Variants in PTPRN2 observed in about 807,000 individuals in gnomAD.
PTPRN2 encodes the protein protein tyrosine phosphatase receptor type N2.
In PTPRN2, 74 loss-of-function variants were observed where a neutral mutation model predicts 118.8. The ratio of observed to expected loss-of-function variants is 0.62; its 90% confidence interval spans 0.52 to 0.76. PTPRN2 has a LOEUF of 0.76. Among genes scored for constraint, PTPRN2 ranks in the 30% least tolerant of loss-of-function variants. The pLI, the probability that PTPRN2 is intolerant of heterozygous loss-of-function variation, is 0.00. For missense variants in PTPRN2, 1,481 were observed against 1,394.4 expected (o/e 1.06, Z -0.99); for synonymous variants, 641 against 608.0 (o/e 1.05, Z -0.80).
At chr7:158,048,546 C>G (rs1049682177) in intron 11 of PTPRN2, among the ~76,000 whole-genome samples, 1 of 152,036 alleles carries the variant, frequency 6.6e-6, no homozygotes, top group Non-Finnish European at 1.5e-5. Context: ...ATCATCCCAC[C>G]AGCACCATCA....
intron 2 of PTPRN2, among the ~76,000 whole-genome samples, chr7:158,446,926 C>T (rs1400499692): frequency 2.6e-5 from 4 of 152,124 alleles, no homozygotes; most frequent in African/African-American, 2.4e-5. Context: ...CACGGCCTCA[C>T]GGCATCCGTC....
intron 1 of PTPRN2, among the ~76,000 whole-genome samples, chr7:158,520,694 T>G (rs1823914509): frequency 6.6e-6 from 1 of 152,174 alleles, no homozygotes; most frequent in African/African-American, 2.4e-5. Flanking sequence ...AGACTATAAC[T>G]CCTGGATTTT....
chr7:158,146,987 C>T (rs1247028315), intron 6 of PTPRN2, among the ~76,000 whole-genome samples: 2 of 93,960 alleles, frequency 2.1e-5, no homozygotes, highest in Non-Finnish European at 4.4e-5. Flanking sequence ...TGTCTTTCCC[C>T]CTCAATGACA....
intron 1 of PTPRN2, chr7:158,541,642 G>C (rs918413529): frequency 7.4e-7 from 1 of 1,346,142 alleles, no homozygotes. Context: ...GCAAAATCTG[G>C]CTATAATTCT....
intron 2 of PTPRN2, among the ~76,000 whole-genome samples, chr7:158,404,769 C>CCCGGCCCCCAGCTCT: frequency 6.9e-6 from 1 of 145,700 alleles, no homozygotes. Context: ...GCCTCAGCTC[C>CCCGGCCCCCAGCTCT]CCGGCCCCCA....
intron 2 of PTPRN2, among the ~76,000 whole-genome samples, chr7:158,479,235 G>A (rs1414211000): frequency 2.6e-5 from 4 of 151,952 alleles, no homozygotes; most frequent in Non-Finnish European, 4.4e-5. Context: ...GTGGGGCGGC[G>A]TGGCACAGGA....
intron 11 of PTPRN2, among the ~76,000 whole-genome samples, chr7:158,079,137 C>T (rs1208480353): frequency 6.6e-6 from 1 of 152,192 alleles, no homozygotes; most frequent in Admixed American, 6.5e-5. Flanking sequence ...GCCACTGCAC[C>T]CGGCCAATCT....
intron 11 of PTPRN2, among the ~76,000 whole-genome samples, chr7:158,037,417 C>CCA (rs1248201086): frequency 1.3e-5 from 2 of 152,166 alleles, no homozygotes; most frequent in Non-Finnish European, 2.9e-5. Context: ...CACTGCACAC[C>CCA]CACAACCTGC....
At chr7:158,171,310 T>TACATATATATATATATATATAACATAC (rs1343884902) in intron 5 of PTPRN2, among the ~76,000 whole-genome samples, 2 of 67,668 alleles carry the variant, frequency 3.0e-5, no homozygotes, top group African/African-American at 1.6e-4. Context: ...TATACACACA[T>TACATATATATATATATATATAACATAC]ATATATATAT....
intron 2 of PTPRN2, among the ~76,000 whole-genome samples, chr7:158,479,367 CTCT>C (rs1820499061): frequency 6.6e-6 from 1 of 152,272 alleles, no homozygotes; most frequent in Admixed American, 6.5e-5. Context: ...CTCTCCTCCG[CTCT>C]TCTTTCCTGA....
chr7:157,598,279 C>T lies in PTPRN2; in HGVS notation c.2419-2964G>A, dbSNP rs1046250874. Among the ~76,000 whole-genome samples the T allele has an allele frequency of 6.6e-6, 1 of 152,200 alleles. No individual in the cohort carries two copies. The highest frequency in any genetic ancestry group is 6.5e-5 in the Admixed American group (1 of 15,280). On this transcript the variant is annotated intron_variant, in intron 16 of 22. Transcript: ENST00000389418. The surrounding 1 kb of genome is among the most constrained non-coding windows in gnomAD (Gnocchi z 5.2). The stretch of plus-strand genomic sequence containing the variant: ...CCTTCGCCTCCTACTCATGACTTTC[C>T]ATTTCATTGCAACATACTTTTTATT...
At chr7:158,564,112 T>C (rs977945222) in intron 1 of PTPRN2, among the ~76,000 whole-genome samples, 2 of 152,228 alleles carry the variant, frequency 1.3e-5, no homozygotes, top group East Asian at 3.8e-4. Flanking sequence ...GTCTTGTTAA[T>C]CACAGGTCTA....
chr7:158,408,998 A>T (rs75166784), intron 2 of PTPRN2, among the ~76,000 whole-genome samples: 3 of 41,106 alleles, frequency 7.3e-5, no homozygotes, highest in Admixed American at 4.5e-4. Context: ...CTCCTTAATT[A>T]AAAAAAAAAA....
At chr7:158,505,118 G>C (rs959196298) in intron 1 of PTPRN2, among the ~76,000 whole-genome samples, 4 of 152,126 alleles carry the variant, frequency 2.6e-5, no homozygotes, top group African/African-American at 9.7e-5. Flanking sequence ...ATGCAGGTAG[G>C]ATTATCATCG....
intron 2 of PTPRN2, among the ~76,000 whole-genome samples, chr7:158,456,477 C>T (rs1337469260): frequency 6.7e-6 from 1 of 148,582 alleles, no homozygotes; most frequent in African/African-American, 2.5e-5. Context: ...GGCAATGGCC[C>T]CCCATTGCTC....
rs1455123304 is a variant in PTPRN2, at chr7:157,619,870, A to G, written c.2344+1492T>C. On this transcript the variant is annotated intron_variant, in intron 15 of 22. Coordinates refer to ENST00000389418, the MANE Select transcript of PTPRN2 (RefSeq NM_002847.5). The surrounding 1 kb of genome is among the most constrained non-coding windows in gnomAD (Gnocchi z 5.3). ...CGGGGACAGGCGGTGTCTCAGGGAC[A>G]CCAGTCTGATCCCTTGACCGGCTCC... Among the ~76,000 whole-genome samples, 1 of 152,142 alleles carries G rather than the reference A, an allele frequency of 6.6e-6. No individual in the cohort carries two copies. Among genetic ancestry groups the G allele is most frequent in the African/African-American group, 2.4e-5 (1 of 41,446 alleles).
intron 12 of PTPRN2, among the ~76,000 whole-genome samples, chr7:157,752,611 C>T (rs1380343772): frequency 2.0e-5 from 3 of 152,234 alleles, no homozygotes; most frequent in Non-Finnish European, 2.9e-5. Flanking sequence ...CTGATCCTCT[C>T]CCCAGCCACA....
rs1308437648 is a variant in PTPRN2, at chr7:158,517,682, C to T, written c.113-27897G>A. ...CAAGCCAGCCTCATGGACAGCGTCT[C>T]CAGACTCTTCCCCACCATAGCCAGG... is the stretch of plus-strand genomic sequence containing the variant. On this transcript the variant is annotated intron_variant, in intron 1 of 22. Transcript: ENST00000389418. This position sits in a 1 kb window ranked among gnomAD's most constrained non-coding sequence, Gnocchi z 5.3. Among the ~76,000 whole-genome samples, 1 of 152,160 alleles carries T rather than the reference C, an allele frequency of 6.6e-6. No individual in the cohort carries two copies. The highest frequency in any genetic ancestry group is 6.5e-5 in the Admixed American group (1 of 15,270).
At chr7:157,670,684 C>G (rs541003077) in intron 13 of PTPRN2, among the ~76,000 whole-genome samples, 2 of 152,312 alleles carry the variant, frequency 1.3e-5, no homozygotes, top group East Asian at 3.9e-4. Context: ...GAGGATGACT[C>G]ACCGGGCAAT....
Sources: allele counts gnomAD v4.1 joint callset (sites outside exome capture counted in the v4.1 genomes callset), GRCh38; gene constraint gnomAD v4.1.1; non-coding constraint Gnocchi (gnomAD v3.1); transcripts MANE v1.5; gene names NCBI Gene and HGNC (gene_info 2026-07-23, HGNC 2026-07-21).